Variants in ANK1 observed in about 807,000 individuals in gnomAD.
ANK1 encodes the protein ankyrin-1.
Under a neutral mutation model 210.4 loss-of-function variants are expected in ANK1, and 51 were observed. That is an observed-to-expected ratio of 0.24 (90% confidence interval 0.19 to 0.31). ANK1 has a LOEUF of 0.31. Among genes scored for constraint, ANK1 ranks in the 10% least tolerant of loss-of-function variants. The pLI, the probability that ANK1 is intolerant of heterozygous loss-of-function variation, is 1.00. For missense variants in ANK1, 2,051 were observed against 2,504.4 expected, an observed-to-expected ratio of 0.82 and a Z score of 3.86; for synonymous variants, 967 against 1,025.9, an observed-to-expected ratio of 0.94 and a Z score of 1.10.
At chr8:41,805,245 TTCTCTC>T (rs150007263) in intron 1 of ANK1, among the ~76,000 whole-genome samples, 1 of 144,772 alleles carries the variant, frequency 6.9e-6, no homozygotes, top group Non-Finnish European at 1.6e-5. Flanking sequence ...CTTTGTCTCT[TTCTCTC>T]TCTCTCTCTC....
At chr8:41,812,786 T>C (rs1326420995) in intron 1 of ANK1, among the ~76,000 whole-genome samples, 1 of 152,096 alleles carries the variant, frequency 6.6e-6, no homozygotes, top group African/African-American at 2.4e-5. Flanking sequence ...TTAGTTAAAT[T>C]ATAAGGAGTG....
At chr8:41,696,913 G>A (rs554461444) in intron 24 of ANK1, 140 bp from the exon 25 acceptor site, 78 of 811,194 alleles carry the variant, frequency 9.6e-5, no homozygotes, top group African/African-American at 7.4e-4. Flanking sequence ...GGACCCCACC[G>A]CCCTGTCAGA....
intron 5 of ANK1, among the ~76,000 whole-genome samples, chr8:41,726,741 C>T (rs1020339862): frequency 9.9e-5 from 15 of 152,098 alleles, no homozygotes; most frequent in East Asian, 3.8e-4. Context: ...GGCACAGGAC[C>T]GCAGGAACTG....
intron 1 of ANK1, among the ~76,000 whole-genome samples, chr8:41,881,282 C>T (rs2150831521): frequency 6.6e-6 from 1 of 152,314 alleles, no homozygotes; most frequent in East Asian, 1.9e-4. Flanking sequence ...TCCCCAAGGT[C>T]ACTCAGCCAC....
At chr8:41,716,862 T>A in intron 13 of ANK1, 91 bp downstream of exon 13, 2 of 1,334,232 alleles carry the variant, frequency 1.5e-6, no homozygotes. Context: ...GCCACAGCAC[T>A]GCAGCCCCGC....
At chr8:41,855,094 A>G (rs897985044) in intron 1 of ANK1, among the ~76,000 whole-genome samples, 1 of 152,214 alleles carries the variant, frequency 6.6e-6, no homozygotes, top group Non-Finnish European at 1.5e-5. Flanking sequence ...CTCAGAGACT[A>G]TGTCTTATTC....
chr8:41,774,446 A>T (rs1843588929), intron 1 of ANK1, among the ~76,000 whole-genome samples: 1 of 152,118 alleles, frequency 6.6e-6, no homozygotes, highest in East Asian at 1.9e-4. Flanking sequence ...CCCTGTAGAA[A>T]CAGCCTGGGG....
chr8:41,690,141 T>A, intron 33 of ANK1, 86 bp downstream of exon 33: 3 of 1,591,694 alleles, frequency 1.9e-6, no homozygotes, highest in Non-Finnish European at 2.6e-6. Flanking sequence ...AGAAGCCCCT[T>A]GGAAGTGCTG....
rs375784785 is a variant in ANK1 at position 41,664,784 on chromosome 8, G to A, written c.5395-1042C>T. The A allele has an allele frequency of 1.2e-3, 1,922 of 1,588,486 alleles. 11 individuals are homozygous for A. The highest frequency in any genetic ancestry group is 9.8e-3 in the South Asian group (866 of 88,646). On this transcript the variant is annotated intron_variant, in intron 39 of 42. Transcript: ENST00000289734. ...CGGCGCCCACACCACCAGCCCTGCC[G>A]GCCTCCTGCCAGGCGGTTACCTTCA...
chr8:41,786,396 T>C (rs1846408657), intron 1 of ANK1, among the ~76,000 whole-genome samples: 1 of 152,218 alleles, frequency 6.6e-6, no homozygotes, highest in Non-Finnish European at 1.5e-5. Flanking sequence ...AGCATCTTTA[T>C]TGGTAAAGAA....
chr8:41,852,866 A>G (rs1811516714), intron 1 of ANK1, among the ~76,000 whole-genome samples: 1 of 152,170 alleles, frequency 6.6e-6, no homozygotes, highest in Admixed American at 6.5e-5. Context: ...TCCCTGAGGA[A>G]GGTTTGTCTG....
chr8:41,692,834 G>A lies in ANK1; in HGVS notation c.3672C>T (p.Asn1224=), dbSNP rs756576267. The A allele has an allele frequency of 7.4e-6, 12 of 1,614,006 alleles. No homozygotes were observed. Among genetic ancestry groups the A allele is most frequent in the Non-Finnish European group, 9.3e-6 (11 of 1,180,048 alleles). ...SDCPRTAEAV[N]FATLLYKELT... is the part of the protein sequence containing the mutation. ...GCTCTTTGTACAGCAGGGTGGCAAAGTTCACAGCCTCAGCAGTCCGAGGAC... is the reference window on the plus strand; with the variant it reads ...GCTCTTTGTACAGCAGGGTGGCAAAATTCACAGCCTCAGCAGTCCGAGGAC... The change falls in exon 31 of 43, where the codon AAC becomes AAT. Residue 1224 remains asparagine, a synonymous_variant. Coordinates refer to ENST00000289734, the MANE Select transcript of ANK1 (RefSeq NM_000037.4).
intron 6 of ANK1, 123 bp downstream of exon 6, chr8:41,725,638 C>T: frequency 7.4e-7 from 1 of 1,350,324 alleles, no homozygotes; most frequent in Non-Finnish European, 1.0e-6. Context: ...TGAGGGCGCT[C>T]AGTGCGCACT....
At chr8:41,752,572 C>T (rs532494197) in intron 2 of ANK1, among the ~76,000 whole-genome samples, 6 of 152,304 alleles carry the variant, frequency 3.9e-5, no homozygotes, top group South Asian at 2.1e-4. Flanking sequence ...ACTCCTCCCC[C>T]GTGTTTCCAC....
intron 1 of ANK1, among the ~76,000 whole-genome samples, chr8:41,780,309 G>A (rs1013668824): frequency 2.0e-5 from 3 of 152,198 alleles, no homozygotes; most frequent in African/African-American, 7.2e-5. Flanking sequence ...ACTGGCACAA[G>A]ACACTGCACC....
At chr8:41,826,822 A>T (rs1805470308) in intron 1 of ANK1, among the ~76,000 whole-genome samples, 1 of 152,148 alleles carries the variant, frequency 6.6e-6, no homozygotes, top group Non-Finnish European at 1.5e-5. Context: ...TCGTAACAAT[A>T]AACATTCTGC....
At chr8:41,693,304 G>T (rs546421188) in intron 29 of ANK1, 103 bp from the exon 30 acceptor site, 1 of 1,082,382 alleles carries the variant, frequency 9.2e-7, no homozygotes, top group African/African-American at 1.6e-5. Flanking sequence ...ACTGGGTGAA[G>T]CTCACTTTGT....
rs1318311376 is a variant in ANK1, at chr8:41,806,957, T to G, written c.127-48820A>C. Among the ~76,000 whole-genome samples, 3 of 152,240 alleles carry G rather than the reference T, an allele frequency of 2.0e-5. No individual in the cohort carries two copies. The East Asian group carries it at 5.8e-4, about 29-fold the overall frequency. On this transcript the variant is annotated intron_variant, in intron 1 of 42. Transcript: ENST00000265709. The stretch of plus-strand genomic sequence containing the variant: ...AGTAAATCCATAAAATTATACTTCT[T>G]ATCCTTATAAGAGGAGGGATGGAAG...
rs1033081625 is a variant in ANK1, at chr8:41,700,639, T to A, written c.2461+911A>T. On this transcript the variant is annotated intron_variant, in intron 22 of 42. Coordinates refer to ENST00000289734, the MANE Select transcript of ANK1 (RefSeq NM_000037.4). ...ATCCAGCCCACCCCACTATTCAACATCCTCAGAGTTGAGGATCCTACTACT... is the reference window on the plus strand; with the variant it reads ...ATCCAGCCCACCCCACTATTCAACAACCTCAGAGTTGAGGATCCTACTACT... 2.0e-5 allele frequency among the ~76,000 whole-genome samples: 3 copies of A among 152,208 alleles called. No individual in the cohort carries two copies. The South Asian group carries it at 6.2e-4, about 32-fold the overall frequency.
Sources: allele counts gnomAD v4.1 joint callset (sites outside exome capture counted in the v4.1 genomes callset), GRCh38; gene constraint gnomAD v4.1.1; transcripts MANE v1.5; gene names NCBI Gene and HGNC (gene_info 2026-07-23, HGNC 2026-07-21).